The following RBFOX1 variants were observed in gnomAD, a reference collection of about 807,000 sequenced individuals.
RBFOX1 encodes the protein RNA binding protein fox-1 homolog 1.
A neutral mutation model predicts 57.7 loss-of-function variants in RBFOX1; 8 were observed. The observed-to-expected ratio is 0.14, with a 90% CI of 0.08 to 0.25. The LOEUF is 0.25. RBFOX1 is among the 10% of genes least tolerant of loss of function. RBFOX1 has a pLI of 1.00. For missense variants in RBFOX1, 611 were observed against 548.5 expected, an observed-to-expected ratio of 1.11 and a Z score of -1.14; for synonymous variants, 326 against 222.4, an observed-to-expected ratio of 1.47 and a Z score of -4.15.
At position 5,560,609 on chromosome 16, in the gene RBFOX1, G is replaced by A. The variant is rs149143760; in HGVS notation, c.259-38293G>A. Reference sequence around the variant, plus strand: ...GGTGCCTATTTTTGGTGGGTGTGCAGTATGTATTTATTGAATAAATGATTT... The same window carrying A: ...GGTGCCTATTTTTGGTGGGTGTGCAATATGTATTTATTGAATAAATGATTT... On this transcript the variant is annotated intron_variant, in intron 2 of 2. Transcript: ENST00000585867. Among the ~76,000 whole-genome samples the A allele has an allele frequency of 8.6e-4, 131 of 152,318 alleles. 1 individual carries two copies. The highest frequency in any genetic ancestry group is 3.0e-3 in the African/African-American group (124 of 41,572).
intron 1 of RBFOX1, among the ~76,000 whole-genome samples, chr16:6,258,315 C>G (rs919181864): frequency 2.6e-5 from 4 of 151,702 alleles, no homozygotes; most frequent in African/African-American, 4.9e-5. Flanking sequence ...ACAATGACAG[C>G]AAAGATACAC....
At chr16:7,480,658 T>C (rs1220896996) in intron 4 of RBFOX1, among the ~76,000 whole-genome samples, 1 of 152,214 alleles carries the variant, frequency 6.6e-6, no homozygotes, top group African/African-American at 2.4e-5. Context: ...GCAAGTGCAG[T>C]GCTGAGAGCT....
At chr16:6,009,770 T>C (rs114061788) in intron 4 of RBFOX1, among the ~76,000 whole-genome samples, 8 of 145,930 alleles carry the variant, frequency 5.5e-5, no homozygotes, top group African/African-American at 2.0e-4. Flanking sequence ...TATCAGGCAT[T>C]TGGAACATCT....
intron 1 of RBFOX1, among the ~76,000 whole-genome samples, chr16:5,406,805 A>T (rs76806640): frequency 6.6e-6 from 1 of 152,098 alleles, no homozygotes. Context: ...AATACAATTC[A>T]GTAGAGGGGA....
chr16:6,618,821 A>C (rs543409434), intron 2 of RBFOX1, among the ~76,000 whole-genome samples: 1 of 152,238 alleles, frequency 6.6e-6, no homozygotes, highest in East Asian at 1.9e-4. Context: ...GTGCAACTGC[A>C]CCTTGCTTCT....
rs146137435 is a variant in RBFOX1, at chr16:6,499,999, C to G, written c.-63-154604C>G. 5.0e-3 allele frequency among the ~76,000 whole-genome samples: 766 copies of G among 152,128 alleles called. 4 individuals are homozygous for G. Among genetic ancestry groups the G allele is most frequent in the Middle Eastern group, 0.014 (4 of 294 alleles). ...AAGGGCTTTCAGCATTTTTTGGGAC[C>G]TCCTTTCTAGAAACCCTTATCACTG... On this transcript the variant is annotated intron_variant, in intron 2 of 15. Transcript: ENST00000550418.
chr16:7,617,042 T>C (rs1413521157), intron 10 of RBFOX1, among the ~76,000 whole-genome samples: 1 of 148,978 alleles, frequency 6.7e-6, no homozygotes, highest in Non-Finnish European at 1.5e-5. Context: ...GTAATGATGG[T>C]AGTAGTGAGG....
At position 6,349,627 on chromosome 16, in the gene RBFOX1, C is replaced by T. The variant is rs558629274; in HGVS notation, c.-64+32570C>T. Among the ~76,000 whole-genome samples, 14 of 152,280 alleles carry T rather than the reference C, an allele frequency of 9.2e-5. 1 individual carries two copies. In the South Asian group the frequency reaches 2.9e-3, roughly 32 times the overall value. ...CTCCAGCTCCAGCTTGCAGAGAGTG[C>T]AGGTACAGTCCTATTGAGAACACAT... is the stretch of plus-strand genomic sequence containing the variant. On this transcript the variant is annotated intron_variant, in intron 2 of 15. Transcript: ENST00000550418.
intron 1 of RBFOX1, among the ~76,000 whole-genome samples, chr16:5,449,469 A>G (rs2068355245): frequency 6.6e-6 from 1 of 152,206 alleles, no homozygotes; most frequent in Non-Finnish European, 1.5e-5. Context: ...ATCAGACCCT[A>G]AACACTACAA....
chr16:6,345,367 A>C (rs1420033), intron 2 of RBFOX1, among the ~76,000 whole-genome samples: 53,581 of 152,046 alleles, frequency 0.35, 9,830 homozygotes, highest in African/African-American at 0.45. Flanking sequence ...ACTTTTAATT[A>C]CATGGAAATT....
chr16:5,691,817 A>T (rs1200394556), intron 3 of RBFOX1, among the ~76,000 whole-genome samples: 1 of 152,056 alleles, frequency 6.6e-6, no homozygotes, highest in Admixed American at 6.6e-5. Flanking sequence ...GAAGTGCTTG[A>T]TTTGTCTGAG....
chr16:5,846,865 G>T (rs571989046), intron 3 of RBFOX1, among the ~76,000 whole-genome samples: 1 of 152,190 alleles, frequency 6.6e-6, no homozygotes, highest in African/African-American at 2.4e-5. Flanking sequence ...CAGCTGCGGA[G>T]AAGGACACAT....
chr16:5,467,359 C>T (rs750688253), intron 2 of RBFOX1: 5 of 1,117,000 alleles, frequency 4.5e-6, no homozygotes, highest in Non-Finnish European at 5.1e-6. Flanking sequence ...CTGCCCAGGG[C>T]AGACATCTGT....
chr16:5,716,197 T>C (rs929911301), intron 3 of RBFOX1, among the ~76,000 whole-genome samples: 5 of 152,232 alleles, frequency 3.3e-5, no homozygotes, highest in Non-Finnish European at 7.3e-5. Context: ...TTTAAACTTT[T>C]ATTTGGTTGG....
intron 2 of RBFOX1, among the ~76,000 whole-genome samples, chr16:5,505,425 G>C (rs567183239): frequency 3.3e-4 from 50 of 152,262 alleles, no homozygotes; most frequent in African/African-American, 1.0e-3. Context: ...CATTTTTATA[G>C]GGTGGTAGAG....
In RBFOX1 at chr16:5,775,388, G is replaced by C. The variant is rs142981078; in HGVS notation, c.319-91915G>C. Among the ~76,000 whole-genome samples, 1,085 of 152,318 alleles carry C rather than the reference G, an allele frequency of 7.1e-3. 14 individuals carry two copies. The highest frequency in any genetic ancestry group is 0.025 in the African/African-American group (1,021 of 41,558). On this transcript the variant is annotated intron_variant, in intron 3 of 19. Coordinates refer to the RBFOX1 transcript ENST00000641259. ...TATAGTGGAGAAGGCAGGTGGAACA[G>C]AGGGGGTCACTGCGTTGGAGGGACT...
chr16:6,221,713 G>A (rs187684699), intron 1 of RBFOX1, among the ~76,000 whole-genome samples: 2 of 152,296 alleles, frequency 1.3e-5, no homozygotes, highest in East Asian at 3.9e-4. Flanking sequence ...AGGTGAAGGA[G>A]GAGCAAAGTC....
chr16:5,424,917 T>G (rs1286602056), intron 1 of RBFOX1, among the ~76,000 whole-genome samples: 1 of 116,034 alleles, frequency 8.6e-6, no homozygotes, highest in Non-Finnish European at 1.7e-5. Context: ...CTTTCTTTCT[T>G]TCTTTCTTTC....
intron 3 of RBFOX1, among the ~76,000 whole-genome samples, chr16:6,839,060 C>G (rs2093309208): frequency 6.6e-6 from 1 of 151,944 alleles, no homozygotes. Flanking sequence ...TCTTGGCTCC[C>G]TGTAACCTCT....
Sources: allele counts gnomAD v4.1 joint callset (sites outside exome capture counted in the v4.1 genomes callset), GRCh38; gene constraint gnomAD v4.1.1; transcripts MANE v1.5; gene names NCBI Gene and HGNC (gene_info 2026-07-23, HGNC 2026-07-21).